FAM13C: variants seen among roughly 807,000 people sequenced by gnomAD.
FAM13C encodes protein FAM13C.
FAM13C carries 37 observed loss-of-function variants against 73.2 expected under a neutral mutation model. The ratio of observed to expected loss-of-function variants is 0.51; its 90% CI spans 0.39 to 0.67. The LOEUF is 0.67. Among genes scored for constraint, FAM13C ranks in the 30% least tolerant of loss-of-function variants. FAM13C has a pLI of 0.00. For missense variants in FAM13C, 589 were observed against 715.6 expected (o/e 0.82, Z 2.02); for synonymous variants, 246 against 260.9 (o/e 0.94, Z 0.55).
chr10:59,311,786 G>A (rs946815108), intron 4 of FAM13C, among the ~76,000 whole-genome samples: 42 of 152,094 alleles, frequency 2.8e-4, no homozygotes, highest in African/African-American at 9.9e-4. Flanking sequence ...ACTTTCAGAG[G>A]GATAAGTCTG....
chr10:59,348,410 T>G (rs535844277), intron 3 of FAM13C, among the ~76,000 whole-genome samples: 45 of 152,362 alleles, frequency 3.0e-4, no homozygotes, highest in African/African-American at 1.0e-3. Context: ...AAAACTCTTA[T>G]GAAATAGTTC....
intron 3 of FAM13C, among the ~76,000 whole-genome samples, chr10:59,335,057 G>A (rs907362755): frequency 1.1e-4 from 16 of 152,132 alleles, no homozygotes; most frequent in African/African-American, 3.9e-4. Context: ...TTAGCATAAA[G>A]CAGGACAAAC....
At chr10:59,283,205 C>A (rs1203119274) in intron 6 of FAM13C, among the ~76,000 whole-genome samples, 158 bp downstream of exon 6, 1 of 152,160 alleles carries the variant, frequency 6.6e-6, no homozygotes, top group African/African-American at 2.4e-5. Context: ...CTTCCTGCTC[C>A]CCCTCAGCAA....
intron 2 of FAM13C, among the ~76,000 whole-genome samples, chr10:59,354,707 A>AT (rs1346432956): frequency 1.3e-5 from 2 of 152,180 alleles, no homozygotes; most frequent in African/African-American, 4.8e-5. Context: ...GGAAAAAAAA[A>AT]GGAGAGAGAG....
chr10:59,256,761 A>AGCT (rs1841981791), intron 10 of FAM13C, among the ~76,000 whole-genome samples: 2 of 152,190 alleles, frequency 1.3e-5, no homozygotes, highest in Admixed American at 6.5e-5. Context: ...TCATAAAGAA[A>AGCT]ACTGAATCAA....
intron 4 of FAM13C, among the ~76,000 whole-genome samples, chr10:59,321,355 CTG>C (rs1237451700): frequency 1.3e-5 from 2 of 149,658 alleles, no homozygotes; most frequent in Non-Finnish European, 3.0e-5. Flanking sequence ...TGGGCAGCCT[CTG>C]GAAACTGGAA....
At chr10:59,283,126 G>C (rs1024136519) in intron 6 of FAM13C, among the ~76,000 whole-genome samples, 1 of 152,142 alleles carries the variant, frequency 6.6e-6, no homozygotes, top group Non-Finnish European at 1.5e-5. Flanking sequence ...TTACACAAAT[G>C]ACACCCATTT....
At chr10:59,313,625 A>G (rs559778450) in intron 4 of FAM13C, among the ~76,000 whole-genome samples, 4 of 152,296 alleles carry the variant, frequency 2.6e-5, no homozygotes, top group African/African-American at 9.6e-5. Flanking sequence ...GAGTTGGGAA[A>G]CCAACTTGTC....
At chr10:59,301,230 A>G (rs145799920) in intron 5 of FAM13C, 2 of 152,302 alleles carry the variant, frequency 1.3e-5, no homozygotes, top group African/African-American at 4.8e-5. Flanking sequence ...ATGTGGGTCA[A>G]TCTATATAGT....
chr10:59,325,729 A>G (rs557993764), intron 3 of FAM13C, among the ~76,000 whole-genome samples: 6 of 152,294 alleles, frequency 3.9e-5, no homozygotes, highest in South Asian at 4.1e-4. Context: ...TTGGAGGCAC[A>G]CAGCAGATAT....
At chr10:59,256,499 T>C (rs1318730904) in intron 10 of FAM13C, among the ~76,000 whole-genome samples, 2 of 152,178 alleles carry the variant, frequency 1.3e-5, no homozygotes, top group African/African-American at 2.4e-5. Context: ...GTACAATGTA[T>C]GCACTCCTTT....
chr10:59,351,013 G>A (rs114312326), intron 3 of FAM13C, among the ~76,000 whole-genome samples: 2,121 of 152,182 alleles, frequency 0.014, 48 homozygotes, highest in African/African-American at 0.049. Flanking sequence ...TTGTAATTAC[G>A]AGTTAGAGTA....
Position 59,289,728 on chromosome 10 carries a change from TGC to T in FAM13C, c.508-6283_508-6282del, listed in dbSNP as rs1846004107. On this transcript the variant is annotated intron_variant, in intron 5 of 13. Coordinates refer to ENST00000618804, the MANE Select transcript of FAM13C (RefSeq NM_198215.4). Reference sequence around the variant, plus strand: ...CTAACCACCCATTTCACTTCCATCATGCCCGACTTAGTGACCTTCAATGCAGG... The same window carrying T: ...CTAACCACCCATTTCACTTCCATCATCCGACTTAGTGACCTTCAATGCAGG... Among the ~76,000 whole-genome samples the T allele has an allele frequency of 3.9e-5, 6 of 152,324 alleles. No homozygotes were observed. The South Asian group carries it at 1.0e-3, about 26-fold the overall frequency.
intron 3 of FAM13C, among the ~76,000 whole-genome samples, chr10:59,333,569 T>C (rs1011296439): frequency 2.0e-5 from 3 of 152,160 alleles, no homozygotes. Context: ...AAGCCCACCT[T>C]TTATTCCTTT....
At chr10:59,291,939 C>T (rs1356532687) in intron 5 of FAM13C, among the ~76,000 whole-genome samples, 2 of 151,918 alleles carry the variant, frequency 1.3e-5, no homozygotes, top group South Asian at 2.1e-4. Context: ...CAGGCGCCCA[C>T]CATCACGCCT....
chr10:59,362,548 C>A lies in FAM13C; in HGVS notation c.-88G>T, dbSNP rs1169224210. ...AAACATGGCATTGCAAGGCAAGTCT[C>A]CGGGCTCGCCCGGCACGCTCGCTCT... On this transcript the variant is annotated 5_prime_UTR_variant, in exon 1 of 14. Transcript: ENST00000618804. The A allele has an allele frequency of 6.4e-7, 1 of 1,559,690 alleles. No individual in the cohort carries two copies. The highest frequency in any genetic ancestry group is 8.7e-7 in the Non-Finnish European group (1 of 1,151,762).
chr10:59,305,202 A>G (rs193080426), intron 4 of FAM13C, among the ~76,000 whole-genome samples: 9 of 152,228 alleles, frequency 5.9e-5, no homozygotes, highest in Non-Finnish European at 1.3e-4. Context: ...TTTAAAGCAT[A>G]TCTACTCAAA....
At chr10:59,264,060 A>C (rs780891400) in intron 9 of FAM13C, 25 bp downstream of exon 9, 10 of 1,605,436 alleles carry the variant, frequency 6.2e-6, no homozygotes, top group Admixed American at 1.7e-5. Context: ...TTTGTGAGGA[A>C]AAAAGATCTT....
At chr10:59,305,019 G>T (rs1045404667) in intron 4 of FAM13C, among the ~76,000 whole-genome samples, 1 of 152,066 alleles carries the variant, frequency 6.6e-6, no homozygotes, top group Non-Finnish European at 1.5e-5. Flanking sequence ...GCCACACCAG[G>T]TGCAGCCACC....
Sources: allele counts gnomAD v4.1 joint callset (sites outside exome capture counted in the v4.1 genomes callset), GRCh38; gene constraint gnomAD v4.1.1; transcripts MANE v1.5; gene names NCBI Gene and HGNC (gene_info 2026-07-23, HGNC 2026-07-21).